Variants in RBFOX3 observed in about 807,000 individuals in gnomAD.
RBFOX3 encodes the protein RNA binding protein fox-1 homolog 3.
RBFOX3 carries 17 observed loss-of-function variants against 48.7 expected under a neutral mutation model. The ratio of observed to expected loss-of-function variants is 0.35; its 90% CI spans 0.24 to 0.52. The LOEUF (loss-of-function observed/expected upper bound fraction) is 0.52, where lower values mean the gene tolerates loss of function less well. RBFOX3 is among the 20% of genes least tolerant of loss of function. RBFOX3 has a pLI of 0.94. For missense variants in RBFOX3, 382 were observed against 497.5 expected (o/e 0.77, Z 2.21); for synonymous variants, 212 against 209.5 (o/e 1.01, Z -0.10).
chr17:79,263,761 G>A (rs1299923380), intron 3 of RBFOX3, among the ~76,000 whole-genome samples: 3 of 152,194 alleles, frequency 2.0e-5, no homozygotes, highest in South Asian at 2.1e-4. Flanking sequence ...ATGAACGCGC[G>A]CTTACGAGGG....
intron 5 of RBFOX3, among the ~76,000 whole-genome samples, chr17:79,115,256 T>G (rs2146987219): frequency 6.6e-6 from 1 of 152,308 alleles, no homozygotes; most frequent in African/African-American, 2.4e-5. Flanking sequence ...TTCCTCCAGA[T>G]GCCTGCTCAT....
intron 4 of RBFOX3, among the ~76,000 whole-genome samples, chr17:79,225,151 C>G (rs935940232): frequency 1.3e-5 from 2 of 152,132 alleles, no homozygotes; most frequent in East Asian, 3.9e-4. Flanking sequence ...GTGACCAGCA[C>G]GTACACAGCC....
chr17:79,439,554 A>G (rs13342272), intron 2 of RBFOX3, among the ~76,000 whole-genome samples: 52,499 of 152,146 alleles, frequency 0.35, 9,257 homozygotes, highest in Middle Eastern at 0.4. Context: ...ATACACACAC[A>G]TTCACATACA....
intron 4 of RBFOX3, among the ~76,000 whole-genome samples, chr17:79,158,131 C>T (rs1427287663): frequency 6.6e-6 from 1 of 152,214 alleles, no homozygotes; most frequent in African/African-American, 2.4e-5. Context: ...CACACACAGA[C>T]AGACGACCAT....
chr17:79,090,856 G>T lies in RBFOX3; in HGVS notation c.*27C>A. The T allele has an allele frequency of 6.6e-7, 1 of 1,510,924 alleles. No individual in the cohort carries two copies. The highest frequency in any genetic ancestry group is 1.7e-4 in the Middle Eastern group (1 of 5,770). The allele number at this position is 1,510,924 out of a possible 1,614,324, so 93.6% of individuals were successfully genotyped here. On this transcript the variant is annotated 3_prime_UTR_variant, in exon 15 of 15. Transcript: ENST00000693108. The stretch of plus-strand genomic sequence containing the variant: ...TTGTTTTTTTGTTTTTGCCCTTCAT[G>T]GTCCGAGAAGGAAACGGTGGAAGGT...
chr17:79,214,729 C>T lies in RBFOX3; in HGVS notation c.-34+21037G>A, dbSNP rs1400313966. Among the ~76,000 whole-genome samples, 1 of 151,870 alleles carries T rather than the reference C, an allele frequency of 6.6e-6. No homozygotes were observed. On this transcript the variant is annotated intron_variant, in intron 4 of 14. Transcript: ENST00000693108. This position sits in a 1 kb window ranked among gnomAD's most constrained non-coding sequence, Gnocchi z 4.7. ...AGGGGAGGCTGGAGGCCCAGGGGCC[C>T]CCAGCTACTAGACGGCCCTAGGAAA...
chr17:79,466,261 G>T (rs1688291860), intron 2 of RBFOX3, among the ~76,000 whole-genome samples: 1 of 152,216 alleles, frequency 6.6e-6, no homozygotes, highest in African/African-American at 2.4e-5. Flanking sequence ...CTCCCGGATT[G>T]TTCTCTGGTT....
At chr17:79,293,944 G>A (rs1467365730) in intron 3 of RBFOX3, among the ~76,000 whole-genome samples, 2 of 152,174 alleles carry the variant, frequency 1.3e-5, no homozygotes, top group Admixed American at 6.5e-5. Context: ...GATGAAACAG[G>A]GCCGAGAAAG....
chr17:79,361,613 G>A lies in RBFOX3; in HGVS notation c.-174-53789C>T, dbSNP rs991809718. Among the ~76,000 whole-genome samples the A allele has an allele frequency of 5.9e-5, 9 of 152,156 alleles. No individual in the cohort carries two copies. Among genetic ancestry groups the A allele is most frequent in the Non-Finnish European group, 8.8e-5 (6 of 68,022 alleles). On this transcript the variant is annotated intron_variant, in intron 2 of 14. Coordinates refer to ENST00000693108, the MANE Select transcript of RBFOX3 (RefSeq NM_001350451.2). The surrounding 1 kb of genome is among the most constrained non-coding windows in gnomAD (Gnocchi z 4.5). ...TTCCCTAAGGGACATGCCAGCCCAC[G>A]TCCATCTCTCCTCCTCCTCCCAGCA...
intron 2 of RBFOX3, among the ~76,000 whole-genome samples, chr17:79,465,985 C>A (rs1163654613): frequency 8.5e-5 from 13 of 152,244 alleles, no homozygotes; most frequent in Admixed American, 8.5e-4. Flanking sequence ...CCCCCAGGAA[C>A]AACCCAGCTG....
chr17:79,159,050 G>A (rs2046405103), intron 4 of RBFOX3, among the ~76,000 whole-genome samples: 1 of 152,220 alleles, frequency 6.6e-6, no homozygotes, highest in South Asian at 2.1e-4. Flanking sequence ...GAGACACCAA[G>A]GCCACCCAGG....
chr17:79,634,815 T>C, the RBFOX3 span, among the ~76,000 whole-genome samples: 1 of 151,974 alleles, frequency 6.6e-6, no homozygotes, highest in Non-Finnish European at 1.5e-5. Flanking sequence ...ATCCCAGCAC[T>C]TTGGGAGGCC....
chr17:79,204,329 G>A lies in RBFOX3; in HGVS notation c.-34+31437C>T, dbSNP rs1287169422. Among the ~76,000 whole-genome samples, 5 of 152,148 alleles carry A rather than the reference G, an allele frequency of 3.3e-5. No homozygotes were observed. The highest frequency in any genetic ancestry group is 7.4e-5 in the Non-Finnish European group (5 of 68,022). The stretch of plus-strand genomic sequence containing the variant: ...CCGGGGAGCGGGTACACACCAGCGG[G>A]TGCCGGGGAGCAGGGGGCGTAGGTG... On this transcript the variant is annotated intron_variant, in intron 4 of 14. Transcript: ENST00000693108. This position sits in a 1 kb window ranked among gnomAD's most constrained non-coding sequence, Gnocchi z 4.5.
At chr17:79,294,272 C>G (rs565089127) in intron 3 of RBFOX3, among the ~76,000 whole-genome samples, 10 of 152,194 alleles carry the variant, frequency 6.6e-5, no homozygotes, top group Non-Finnish European at 1.2e-4. Flanking sequence ...TCACCCAGTT[C>G]TAGCCTTGAG....
chr17:79,148,709 G>A (rs1369648701), intron 4 of RBFOX3, among the ~76,000 whole-genome samples: 1 of 152,258 alleles, frequency 6.6e-6, no homozygotes, highest in Non-Finnish European at 1.5e-5. Flanking sequence ...AGTGATGAGA[G>A]TTGGGCGACT....
At chr17:79,108,263 C>T (rs961281590) in intron 5 of RBFOX3, among the ~76,000 whole-genome samples, 1 of 152,212 alleles carries the variant, frequency 6.6e-6, no homozygotes, top group African/African-American at 2.4e-5. Flanking sequence ...AGACTGGGGT[C>T]CCTTAGAGGC....
the RBFOX3 span, among the ~76,000 whole-genome samples, chr17:79,658,702 C>A: frequency 0.022 from 3,296 of 152,164 alleles, 126 homozygotes; most frequent in African/African-American, 0.075. Context: ...CTCCATCATC[C>A]CTTTGGCACA....
chr17:79,643,906 AT>A, the RBFOX3 span, among the ~76,000 whole-genome samples: 85,542 of 151,870 alleles, frequency 0.56, 24,812 homozygotes, highest in Non-Finnish European at 0.63. Context: ...TTAAAAGGAA[AT>A]AATACAAATA....
At chr17:79,494,979 C>T (rs911814624) in intron 1 of RBFOX3, among the ~76,000 whole-genome samples, 3 of 152,164 alleles carry the variant, frequency 2.0e-5, no homozygotes, top group Admixed American at 2.0e-4. Flanking sequence ...CCAAGTCTGC[C>T]CCATCTTTGG....
Sources: gnomAD v4.1 joint callset for allele counts (sites outside exome capture counted in the v4.1 genomes callset) on GRCh38, gnomAD v4.1.1 for gene constraint, Gnocchi (gnomAD v3.1) non-coding constraint, MANE v1.5 for transcripts, NCBI Gene and HGNC (gene_info 2026-07-23, HGNC 2026-07-21) for gene names.